Variants in WDR81 observed in about 807,000 individuals in gnomAD.
WDR81 encodes WD repeat-containing protein 81.
Under a neutral mutation model 140.8 loss-of-function variants are expected in WDR81, and 92 were observed. The observed-to-expected ratio is 0.65, with a 90% CI of 0.55 to 0.78. The LOEUF (loss-of-function observed/expected upper bound fraction) is 0.78, where lower values mean the gene tolerates loss of function less well. Ranked by LOEUF, WDR81 falls within the 30% of genes least tolerant of loss-of-function variation. WDR81 has a pLI of 0.00. For synonymous variants in WDR81, 1,183 were observed against 1,156.4 expected, an observed-to-expected ratio of 1.02 and a Z score of -0.47; for missense variants, 2,502 against 2,636.4, an observed-to-expected ratio of 0.95 and a Z score of 1.12.
At position 1,728,321 on chromosome 17, in the gene WDR81, A is replaced by G; in HGVS notation, c.3362A>G (p.Glu1121Gly). The G allele has an allele frequency of 6.2e-7, 1 of 1,612,818 alleles. No homozygotes were observed. Among genetic ancestry groups the G allele is most frequent in the Non-Finnish European group, 8.5e-7 (1 of 1,179,974 alleles). ...AGCACCAGCGAGACCTCCCTGGGTGAGGAGCGGGCTCCAGACGAGGGGGGT... is the reference window on the plus strand; with the variant it reads ...AGCACCAGCGAGACCTCCCTGGGTGGGGAGCGGGCTCCAGACGAGGGGGGT... ...KSSTSETSLG[E>G]ERAPDEGGAP... The change falls in exon 1 of 10, where the codon GAG (glutamate) becomes GGG (glycine). Residue 1121 changes from glutamate to glycine, a missense_variant. Transcript: ENST00000409644.
At position 1,733,720 on chromosome 17, in the gene WDR81, C is replaced by T. The variant is rs1171865761; in HGVS notation, c.4683C>T (p.Ser1561=). Residue 1561 remains serine, a synonymous_variant, in exon 7 of 10, where the codon AGC becomes AGT. Coordinates refer to ENST00000409644, the MANE Select transcript of WDR81 (RefSeq NM_001163809.2). ...QDDGHSGTFG[S]VLVGNRIQIP... ...ACGGCCACTCAGGGACCTTTGGGAG[C>T]GTCCTGGTGGGGAACCGCATTCAGA... The T allele has an allele frequency of 1.1e-5, 17 of 1,612,516 alleles. No individual in the cohort carries two copies. Among genetic ancestry groups the T allele is most frequent in the East Asian group, 2.2e-5 (1 of 44,890 alleles).
Position 1,733,980 on chromosome 17 carries a change from C to G in WDR81, c.4943C>G (p.Ser1648Trp). Reference sequence around the variant, plus strand: ...CGCCTGCAGAGCTTCCCGGGCCACTCGGGGGCCGTCAAGTGCGTGGCACCC... The same window carrying G: ...CGCCTGCAGAGCTTCCCGGGCCACTGGGGGGCCGTCAAGTGCGTGGCACCC... ...QIRLQSFPGHSGAVKCVAPLS... is the reference protein window; with the variant it reads ...QIRLQSFPGHWGAVKCVAPLS... Residue 1648 changes from serine (S) to tryptophan (W), a missense_variant, in exon 7 of 10, where the codon TCG becomes TGG. By Grantham distance (177) the Ser-to-Trp change is radical. This residue lies in a region of WDR81 where 1,737 missense variants were observed against 1,843.0 expected (regional missense o/e 0.94). Transcript: ENST00000409644. 1 of 1,612,780 alleles carries G rather than the reference C, an allele frequency of 6.2e-7. No individual in the cohort carries two copies. The highest frequency in any genetic ancestry group is 1.1e-5 in the South Asian group (1 of 91,088).
At chr17:1,724,564 G>A (rs1915077416), upstream of WDR81, 7 of 987,094 alleles carry the variant, frequency 7.1e-6, no homozygotes, top group South Asian at 3.3e-4. Flanking sequence ...GCCCCGGGAG[G>A]AAGCGGAGCC....
chr17:1,718,364 C>T (rs1212715383), intron 1 of WDR81, among the ~76,000 whole-genome samples: 4 of 152,184 alleles, frequency 2.6e-5, no homozygotes, highest in African/African-American at 7.2e-5. Flanking sequence ...GTGATCCACC[C>T]GCCTCGGTCT....
In WDR81 at chr17:1,734,212, C is replaced by A; in HGVS notation, c.5175C>A (p.Phe1725Leu). The A allele has an allele frequency of 6.3e-7, 1 of 1,578,290 alleles. No individual in the cohort carries two copies. Among genetic ancestry groups the A allele is most frequent in the South Asian group, 1.1e-5 (1 of 88,742 alleles). ...CDGAVHVWDP[F>L]TGKTLRTVEP... ...GGGCTGTGCACGTCTGGGACCCCTT[C>A]ACAGGTGAGCGGGCCCAGGTGAGGC... is the stretch of plus-strand genomic sequence containing the variant. The change falls in exon 7 of 10, where the codon TTC (phenylalanine) becomes TTA (leucine). Residue 1725 changes from phenylalanine to leucine, a missense_variant. Transcript: ENST00000409644.
chr17:1,721,922 G>A (rs540387973), upstream of WDR81, among the ~76,000 whole-genome samples: 5 of 151,964 alleles, frequency 3.3e-5, no homozygotes, highest in South Asian at 8.3e-4. Context: ...TCGGGAGTTT[G>A]AGACCAGCCT....
In WDR81 at chr17:1,735,155, C is replaced by T. The variant is rs529750648; in HGVS notation, c.5180-417C>T. On this transcript the variant is annotated intron_variant, in intron 7 of 9. Coordinates refer to ENST00000409644, the MANE Select transcript of WDR81 (RefSeq NM_001163809.2). This position sits in a 1 kb window ranked among gnomAD's most constrained non-coding sequence, Gnocchi z 4.2. ...ACTAAGAATACAAAAAAAGGCCGGA[C>T]GCGGTGGCTCACGCCTGTAATCCCA... Among the ~76,000 whole-genome samples, 23 of 152,164 alleles carry T rather than the reference C, an allele frequency of 1.5e-4. No homozygotes were observed. The highest frequency in any genetic ancestry group is 6.2e-4 in the South Asian group (3 of 4,816).
At chr17:1,734,811 A>G (rs1904717698) in intron 7 of WDR81, among the ~76,000 whole-genome samples, 1 of 151,468 alleles carries the variant, frequency 6.6e-6, no homozygotes, top group Admixed American at 6.6e-5. Flanking sequence ...TAACACATGT[A>G]GGGTTTTGGC....
chr17:1,725,031 C>T lies in WDR81; in HGVS notation c.72C>T (p.Ser24=), dbSNP rs1294110890. 2 of 1,472,550 alleles carry T rather than the reference C, an allele frequency of 1.4e-6. No homozygotes were observed. The highest frequency in any genetic ancestry group is 1.4e-5 in the South Asian group (1 of 72,404). The allele number at this position is 1,472,550 out of a possible 1,614,324, so 91.2% of individuals were successfully genotyped here. ...TPAGGWHSPP[S]PDMQELLRSV... is the part of the protein sequence containing the mutation. Reference sequence around the variant, plus strand: ...CCGGGGGCTGGCATTCCCCGCCAAGCCCAGACATGCAGGAGCTGCTCCGGA... The same window carrying T: ...CCGGGGGCTGGCATTCCCCGCCAAGTCCAGACATGCAGGAGCTGCTCCGGA... Residue 24 remains serine, a synonymous_variant, in exon 1 of 10, where the codon AGC becomes AGT. Transcript: ENST00000409644.
In WDR81 at chr17:1,724,758, C is replaced by A. The variant is rs955154447; in HGVS notation, c.-202C>A. 8.8e-7 allele frequency: 1 copy of A among 1,137,712 alleles called. No individual in the cohort carries two copies. Among genetic ancestry groups the A allele is most frequent in the African/African-American group, 1.6e-5 (1 of 61,378 alleles). 70.5% of individuals were successfully genotyped at this position (1,137,712 alleles called of 1,614,324 possible). On this transcript the variant is annotated 5_prime_UTR_variant, in exon 1 of 10. Transcript: ENST00000409644. ...TCGCGCCCGGCAGCCTCTGCCCCGC[C>A]GCGCCCGGAGCGCAGGACCCGCGGA...
intron 9 of WDR81, 103 bp downstream of exon 9, chr17:1,736,321 C>T (rs992512088): frequency 1.5e-6 from 2 of 1,371,116 alleles, no homozygotes; most frequent in African/African-American, 1.4e-5. Flanking sequence ...TCGAACTGGT[C>T]TGTCTTATAT....
chr17:1,730,250 C>A, intron 1 of WDR81, 130 bp from the exon 2 acceptor site: 1 of 718,292 alleles, frequency 1.4e-6, no homozygotes, highest in Non-Finnish European at 2.3e-6. Context: ...TGGTGTGGGA[C>A]AGCCGGCCCG....
At position 1,726,544 on chromosome 17, in the gene WDR81, C is replaced by G. The variant is rs779405050; in HGVS notation, c.1585C>G (p.Arg529Gly). Residue 529 changes from arginine to glycine, a missense_variant, in exon 1 of 10, where the codon CGA becomes GGA. By Grantham distance (125) the Arg-to-Gly change is moderately radical. Coordinates refer to ENST00000409644, the MANE Select transcript of WDR81 (RefSeq NM_001163809.2). ...SSSQEFVAAH[R>G]ALLESREVSR... The stretch of plus-strand genomic sequence containing the variant: ...CAGCCAGGAGTTCGTAGCTGCCCAC[C>G]GAGCCCTGCTGGAGAGCCGCGAGGT... 3.1e-5 allele frequency: 48 copies of G among 1,550,292 alleles called. No homozygotes were observed. In the Middle Eastern group the frequency reaches 5.0e-4, roughly 16 times the overall value.
At chr17:1,717,084 T>C (rs1405934321) in intron 1 of WDR81, 1 of 186,304 alleles carries the variant, frequency 5.4e-6, no homozygotes, top group Admixed American at 5.4e-5. Context: ...GGATGGGCCA[T>C]GCCAAAGTGC....
At chr17:1,723,437 TTTTATTTTTATTTA>T (rs1342261500), upstream of WDR81, among the ~76,000 whole-genome samples, 10 of 144,270 alleles carry the variant, frequency 6.9e-5, no homozygotes, top group South Asian at 4.4e-4. Flanking sequence ...ATTTATTTGG[TTTTATTTTTATTTA>T]TTTATTTTTA....
chr17:1,725,025 G>A lies in WDR81; in HGVS notation c.66G>A (p.Pro22=). ...CCCCGGCCGGGGGCTGGCATTCCCCGCCAAGCCCAGACATGCAGGAGCTGC... is the reference window on the plus strand; with the variant it reads ...CCCCGGCCGGGGGCTGGCATTCCCCACCAAGCCCAGACATGCAGGAGCTGC... ...LRTPAGGWHS[P]PSPDMQELLR... is the part of the protein sequence containing the mutation. The change falls in exon 1 of 10, where the codon CCG becomes CCA. Residue 22 remains proline, a synonymous_variant. Coordinates refer to ENST00000409644, the MANE Select transcript of WDR81 (RefSeq NM_001163809.2). 1.4e-6 allele frequency: 2 copies of A among 1,472,494 alleles called. No individual in the cohort carries two copies. Among genetic ancestry groups the A allele is most frequent in the African/African-American group, 1.4e-5 (1 of 70,634 alleles). 91.2% of individuals were successfully genotyped at this position (1,472,494 alleles called of 1,614,324 possible).
chr17:1,735,257 G>A lies in WDR81; in HGVS notation c.5180-315G>A, dbSNP rs1567728294. On this transcript the variant is annotated intron_variant, in intron 7 of 9. Coordinates refer to ENST00000409644, the MANE Select transcript of WDR81 (RefSeq NM_001163809.2). This position sits in a 1 kb window ranked among gnomAD's most constrained non-coding sequence, Gnocchi z 4.2. ...ATCCAGGCTAACATGGTAAAACCCC[G>A]TCTCTACCAAAAATACAAAAAATTA... Among the ~76,000 whole-genome samples the A allele has an allele frequency of 1.3e-5, 2 of 152,068 alleles. No homozygotes were observed. The highest frequency in any genetic ancestry group is 1.9e-4 in the East Asian group (1 of 5,182).
Position 1,727,513 on chromosome 17 carries a change from T to A in WDR81, c.2554T>A (p.Ser852Thr). ...LDQLFEYRPV[S>T]QGLPPPCPSQ... ...CCAACTGTTTGAGTACAGGCCTGTC[T>A]CCCAGGGCCTGCCCCCACCCTGCCC... The change falls in exon 1 of 10, where the codon TCC (serine) becomes ACC (threonine). Residue 852 changes from serine to threonine, a missense_variant. By Grantham distance (58) the Ser-to-Thr change is moderately conservative. Transcript: ENST00000409644. 1 of 1,550,334 alleles carries A rather than the reference T, an allele frequency of 6.5e-7. No individual in the cohort carries two copies. The highest frequency in any genetic ancestry group is 8.7e-7 in the Non-Finnish European group (1 of 1,146,968).
chr17:1,731,344 G>GT (rs1412443724), intron 4 of WDR81, 86 bp downstream of exon 4: 10 of 1,449,900 alleles, frequency 6.9e-6, no homozygotes, highest in Non-Finnish European at 9.3e-6. Context: ...GGGAGAGGAC[G>GT]TAACACTGGA....
Sources: gnomAD v4.1 joint callset for allele counts (sites outside exome capture counted in the v4.1 genomes callset) on GRCh38, gnomAD v4.1.1 for gene constraint, gnomAD v4.1.1 regional missense constraint, Gnocchi (gnomAD v3.1) non-coding constraint, MANE v1.5 for transcripts, NCBI Gene and HGNC (gene_info 2026-07-23, HGNC 2026-07-21) for gene names.